The following HCN2 variants were observed in gnomAD, a reference collection of about 807,000 sequenced individuals.
The protein encoded by HCN2 is hyperpolarization activated cyclic nucleotide gated potassium and sodium channel 2, also known as potassium/sodium hyperpolarization-activated cyclic nucleotide-gated channel 2.
A neutral mutation model predicts 52.3 loss-of-function variants in HCN2; 20 were observed. The ratio of observed to expected loss-of-function variants is 0.38; its 90% confidence interval spans 0.27 to 0.56. The LOEUF (loss-of-function observed/expected upper bound fraction) is 0.56, where lower values mean the gene tolerates loss of function less well. Ranked by LOEUF, HCN2 falls within the 20% of genes least tolerant of loss-of-function variation. The pLI is 0.71. For synonymous variants in HCN2, 694 were observed against 537.0 expected (o/e 1.29, Z -4.04); for missense variants, 981 against 1,207.7 (o/e 0.81, Z 2.78).
In HCN2 at chr19:590,075, C is replaced by T. The variant is rs1302380116; in HGVS notation, c.130C>T (p.Pro44Ser). Residue 44 changes from proline to serine, a missense_variant, in exon 1 of 8, where the codon CCC becomes TCC. This residue lies in a region of HCN2 where 215 missense variants were observed against 179.4 expected (regional missense o/e 1.20). Coordinates refer to ENST00000251287, the MANE Select transcript of HCN2 (RefSeq NM_001194.4). This position sits in a 1 kb window ranked among gnomAD's most constrained non-coding sequence, Gnocchi z 7.2. ...GCCGCCGCCGCCGCCGCCCGCGCCCCCCCCGGGCCCCGGGCCCGCGCCCCC... is the reference window on the plus strand; with the variant it reads ...GCCGCCGCCGCCGCCGCCCGCGCCCTCCCCGGGCCCCGGGCCCGCGCCCCC... ...QPPPPPPPAP[P>S]PGPGPAPPQH... is the part of the protein sequence containing the mutation. 6.6e-6 allele frequency: 4 copies of T among 607,810 alleles called. No homozygotes were observed. The highest frequency in any genetic ancestry group is 6.8e-5 in the Admixed American group (1 of 14,736). The allele number at this position is 607,810 out of a possible 1,614,324, so 37.7% of individuals were successfully genotyped here.
chr19:612,144 C>T (rs1477742417), intron 5 of HCN2, among the ~76,000 whole-genome samples: 1 of 135,712 alleles, frequency 7.4e-6, no homozygotes, highest in African/African-American at 2.7e-5. Flanking sequence ...GACTCCGTCT[C>T]AAAAAAAAAA....
chr19:599,084 G>T (rs984552060), intron 1 of HCN2, among the ~76,000 whole-genome samples: 1 of 152,266 alleles, frequency 6.6e-6, no homozygotes, highest in African/African-American at 2.4e-5. Flanking sequence ...GCCAGCCCAG[G>T]TCTGGCTGAT....
intron 1 of HCN2, among the ~76,000 whole-genome samples, chr19:600,635 A>G (rs774864254): frequency 1.3e-5 from 2 of 151,532 alleles, no homozygotes; most frequent in Non-Finnish European, 2.9e-5. Context: ...GTGAGCCACC[A>G]CACCCGGCCT....
intron 4 of HCN2, among the ~76,000 whole-genome samples, 168 bp downstream of exon 4, chr19:608,350 T>C (rs1235818426): frequency 8.0e-6 from 1 of 124,908 alleles, no homozygotes; most frequent in Admixed American, 9.2e-5. Context: ...AGGGCGGAGG[T>C]AGTCCTTGTC....
At chr19:597,937 T>C (rs191840141) in intron 1 of HCN2, among the ~76,000 whole-genome samples, 2,759 of 152,294 alleles carry the variant, frequency 0.018, 82 homozygotes, top group African/African-American at 0.062. Context: ...TCCTCGCCCC[T>C]CGTGGGGGAG....
chr19:615,995 C>T lies in HCN2; in HGVS notation c.2191C>T (p.Gln731Ter). The T allele has an allele frequency of 1.3e-6, 2 of 1,566,072 alleles. No individual in the cohort carries two copies. Among genetic ancestry groups the T allele is most frequent in the African/African-American group, 1.4e-5 (1 of 73,260 alleles). The change falls in exon 8 of 8, where the codon CAG becomes TAG. Residue 731 changes from glutamine to a stop codon, truncating the protein, a stop_gained. Coordinates refer to ENST00000251287, the MANE Select transcript of HCN2 (RefSeq NM_001194.4). LOFTEE classifies it low-confidence loss of function (END_TRUNC). ...PQVTSAIATLQQAAAMSFCPQ... is the reference protein window; with the variant it reads ...PQVTSAIATL ...GGTCACCTCGGCCATCGCCACGCTG[C>T]AGCAGGCGGCGGCCATGAGCTTCTG...
rs1426212293 is a variant in HCN2 at position 616,190 on chromosome 19, G to A, written c.2386G>A (p.Gly796Ser). The change falls in exon 8 of 8, where the codon GGC becomes AGC. Residue 796 changes from glycine to serine, a missense_variant. Physicochemically the swap from Gly to Ser is moderately conservative, Grantham distance 56. Transcript: ENST00000251287. ...CCGGGCACCGCGGACCTCGCCCTACGGCGGCCTGCCCGCCGCCCCCCTTGC... is the reference window on the plus strand; with the variant it reads ...CCGGGCACCGCGGACCTCGCCCTACAGCGGCCTGCCCGCCGCCCCCCTTGC... Reference protein sequence around the residue: ...SPRAPRTSPYGGLPAAPLAGP... With the variant: ...SPRAPRTSPYSGLPAAPLAGP... 22 of 965,258 alleles carry A rather than the reference G, an allele frequency of 2.3e-5. No individual in the cohort carries two copies. The highest frequency in any genetic ancestry group is 4.6e-5 in the South Asian group (1 of 21,582). The allele number at this position is 965,258 out of a possible 1,614,324, so 59.8% of individuals were successfully genotyped here. A position where few individuals can be genotyped will look rare whatever the true frequency, so the allele number is the denominator to read the frequency against.
chr19:604,494 T>C (rs1983332908), intron 2 of HCN2, among the ~76,000 whole-genome samples: 1 of 111,110 alleles, frequency 9.0e-6, no homozygotes, highest in Admixed American at 8.9e-5. Context: ...GGCCGTGATA[T>C]CTGGGTGGGG....
At chr19:596,129 C>T (rs963590686) in intron 1 of HCN2, among the ~76,000 whole-genome samples, 8 of 152,238 alleles carry the variant, frequency 5.3e-5, no homozygotes, top group Admixed American at 4.6e-4. Context: ...CTTCATCCAG[C>T]CCTGGAGAGA....
chr19:597,470 C>T (rs1225109710), intron 1 of HCN2, among the ~76,000 whole-genome samples: 2 of 152,210 alleles, frequency 1.3e-5, no homozygotes, highest in East Asian at 3.8e-4. Context: ...TCTAGGTCCT[C>T]CTGGTGGTTT....
intron 1 of HCN2, among the ~76,000 whole-genome samples, chr19:599,461 G>A (rs914019982): frequency 7.9e-5 from 12 of 152,088 alleles, no homozygotes; most frequent in African/African-American, 2.7e-4. Flanking sequence ...TGATAGGGAG[G>A]GGCTGGGCCT....
At chr19:595,301 T>G (rs1444547093) in intron 1 of HCN2, among the ~76,000 whole-genome samples, 1 of 148,258 alleles carries the variant, frequency 6.7e-6, no homozygotes, top group East Asian at 2.1e-4. Flanking sequence ...ACCCCACGGT[T>G]CAGCCTCGCA....
chr19:615,441 G>C (rs528700363), intron 7 of HCN2, among the ~76,000 whole-genome samples: 7 of 152,214 alleles, frequency 4.6e-5, no homozygotes, highest in Admixed American at 2.6e-4. Flanking sequence ...GTGAACCCGG[G>C]AGGTGGACCT....
intron 1 of HCN2, among the ~76,000 whole-genome samples, chr19:599,684 A>G (rs941483883): frequency 6.6e-6 from 1 of 151,486 alleles, no homozygotes; most frequent in East Asian, 1.9e-4. Flanking sequence ...GCTACTCGGG[A>G]GGGTGAGGCA....
At chr19:598,797 A>T (rs1230978117) in intron 1 of HCN2, among the ~76,000 whole-genome samples, 1 of 151,580 alleles carries the variant, frequency 6.6e-6, no homozygotes, top group Admixed American at 6.5e-5. Context: ...TTTAGTAGAG[A>T]CGGGGTTTCA....
chr19:607,838 A>G lies in HCN2; in HGVS notation c.1219-126A>G. 1.7e-5 allele frequency: 11 copies of G among 657,196 alleles called. No homozygotes were observed. In the South Asian group the frequency reaches 2.0e-4, roughly 12 times the overall value. 40.7% of individuals were successfully genotyped at this position (657,196 alleles called of 1,614,324 possible). On this transcript the variant is annotated intron_variant, in intron 3 of 7. Coordinates refer to ENST00000251287, the MANE Select transcript of HCN2 (RefSeq NM_001194.4). ...ACCTGGGTCTCCATTTCTCTTGGTT[A>G]CCTCTGAACATGGGGAGCTCACCAC...
chr19:598,056 T>A (rs1422921552), intron 1 of HCN2, among the ~76,000 whole-genome samples: 1 of 152,196 alleles, frequency 6.6e-6, no homozygotes. Flanking sequence ...AGGCTGGGGC[T>A]GAGCTCCACG....
intron 1 of HCN2, among the ~76,000 whole-genome samples, chr19:595,257 C>T (rs527347085): frequency 2.0e-5 from 3 of 152,070 alleles, no homozygotes; most frequent in Non-Finnish European, 4.4e-5. Context: ...CATCAGCCCC[C>T]CACTCACTTG....
At chr19:614,860 G>A (rs534852827) in intron 7 of HCN2, among the ~76,000 whole-genome samples, 2 of 152,298 alleles carry the variant, frequency 1.3e-5, no homozygotes, top group East Asian at 3.9e-4. Flanking sequence ...ATGACTGGAT[G>A]TAGGCGCCAG....
Sources: allele counts gnomAD v4.1 joint callset (sites outside exome capture counted in the v4.1 genomes callset), GRCh38; gene constraint gnomAD v4.1.1; regional missense constraint gnomAD v4.1.1; non-coding constraint Gnocchi (gnomAD v3.1); transcripts MANE v1.5; gene names NCBI Gene and HGNC (gene_info 2026-07-23, HGNC 2026-07-21).